The following INPP5A variants were observed in gnomAD, a reference collection of about 807,000 sequenced individuals.
INPP5A encodes inositol polyphosphate-5-phosphatase A, also known as 43 kDa inositol polyphosphate 5-phophatase.
In INPP5A, 14 loss-of-function variants were observed where a neutral mutation model predicts 65.2. The ratio of observed to expected loss-of-function variants is 0.21; its 90% CI spans 0.14 to 0.34. INPP5A has a LOEUF of 0.34. INPP5A is among the 10% of genes least tolerant of loss of function. The pLI, the probability that INPP5A is intolerant of heterozygous loss-of-function variation, is 1.00. For synonymous variants in INPP5A, 207 were observed against 208.3 expected (o/e 0.99, Z 0.05); for missense variants, 431 against 545.6 (o/e 0.79, Z 2.09).
At chr10:132,679,936 C>T (rs998059603) in intron 4 of INPP5A, among the ~76,000 whole-genome samples, 1 of 152,178 alleles carries the variant, frequency 6.6e-6, no homozygotes, top group Admixed American at 6.5e-5. Flanking sequence ...AAGTTGGCCC[C>T]TCACATTACA....
At chr10:132,700,565 C>T (rs1246107742) in intron 6 of INPP5A, among the ~76,000 whole-genome samples, 1 of 152,132 alleles carries the variant, frequency 6.6e-6, no homozygotes, top group Admixed American at 6.5e-5. Context: ...TATGTGGCAC[C>T]CTGTGTCCTT....
chr10:132,654,441 G>A (rs996751862), intron 4 of INPP5A, among the ~76,000 whole-genome samples: 2 of 152,228 alleles, frequency 1.3e-5, no homozygotes, highest in African/African-American at 4.8e-5. Flanking sequence ...GACTGGGCTG[G>A]CAGACCTCGG....
chr10:132,656,947 G>A (rs981246110), intron 4 of INPP5A, among the ~76,000 whole-genome samples: 2 of 152,228 alleles, frequency 1.3e-5, no homozygotes, highest in Non-Finnish European at 2.9e-5. Context: ...ACAGGGCTGT[G>A]TGGGGACTTG....
At chr10:132,618,680 A>G (rs1052236368) in intron 2 of INPP5A, among the ~76,000 whole-genome samples, 1 of 152,116 alleles carries the variant, frequency 6.6e-6, no homozygotes, top group Non-Finnish European at 1.5e-5. Flanking sequence ...CAGGATGTGC[A>G]GGAAGCTTAG....
intron 1 of INPP5A, among the ~76,000 whole-genome samples, chr10:132,564,339 C>G (rs1216740062): frequency 6.6e-6 from 1 of 152,168 alleles, no homozygotes; most frequent in Non-Finnish European, 1.5e-5. Flanking sequence ...CACCCCGATT[C>G]AGGGACTGCG....
At chr10:132,673,718 A>G (rs546861379) in intron 4 of INPP5A, among the ~76,000 whole-genome samples, 22 of 152,364 alleles carry the variant, frequency 1.4e-4, no homozygotes, top group Non-Finnish European at 4.4e-5. Context: ...TCTTCACAGA[A>G]GCATTGCATG....
intron 11 of INPP5A, among the ~76,000 whole-genome samples, chr10:132,752,863 G>A (rs1409820763): frequency 4.6e-5 from 7 of 152,276 alleles, no homozygotes; most frequent in African/African-American, 1.2e-4. Context: ...TACCTTTAGA[G>A]GAAAATTAAT....
rs1212799907 is a variant in INPP5A, at chr10:132,616,602, G to C, written c.117+8646G>C. Among the ~76,000 whole-genome samples the C allele has an allele frequency of 6.6e-6, 1 of 151,986 alleles. No homozygotes were observed. The highest frequency in any genetic ancestry group is 1.5e-5 in the Non-Finnish European group (1 of 67,968). On this transcript the variant is annotated intron_variant, in intron 2 of 15. Transcript: ENST00000368594. This position sits in a 1 kb window ranked among gnomAD's most constrained non-coding sequence, Gnocchi z 4.9. ...GGGATGGGGTGGTGACATGGGATGT[G>C]GTTTTGGGGTTGCAGTGGTGACATG...
intron 11 of INPP5A, among the ~76,000 whole-genome samples, chr10:132,756,813 G>A (rs1353515481): frequency 6.6e-6 from 1 of 152,274 alleles, no homozygotes; most frequent in Non-Finnish European, 1.5e-5. Flanking sequence ...AGGAGATGAG[G>A]CTGCATGCGG....
chr10:132,546,256 A>T lies in INPP5A; in HGVS notation c.75+8085A>T, dbSNP rs578027567. On this transcript the variant is annotated intron_variant, in intron 1 of 15. Transcript: ENST00000368594. The surrounding 1 kb of genome is among the most constrained non-coding windows in gnomAD (Gnocchi z 5.7). ...CCCGCGGGGGTCTTGGCGTTGGCGC[A>T]GAAGTGGTTTCCCAGCGGCGTGCCC... is the stretch of plus-strand genomic sequence containing the variant. 3.0e-4 allele frequency among the ~76,000 whole-genome samples: 46 copies of T among 152,336 alleles called. No homozygotes were observed. Among genetic ancestry groups the T allele is most frequent in the African/African-American group, 1.0e-3 (42 of 41,586 alleles).
At position 132,741,751 on chromosome 10, in the gene INPP5A, G is replaced by A. The variant is rs1197203794; in HGVS notation, c.733-7766G>A. Reference sequence around the variant, plus strand: ...CCGCTTGCTTTACTCAATAGCCGACGTAAACTGAGGTGGACGTCAGTGTCC... The same window carrying A: ...CCGCTTGCTTTACTCAATAGCCGACATAAACTGAGGTGGACGTCAGTGTCC... On this transcript the variant is annotated intron_variant, in intron 9 of 15. Coordinates refer to ENST00000368594, the MANE Select transcript of INPP5A (RefSeq NM_005539.5). The surrounding 1 kb of genome is among the most constrained non-coding windows in gnomAD (Gnocchi z 4.4). 3.4e-5 allele frequency among the ~76,000 whole-genome samples: 2 copies of A among 59,044 alleles called. No homozygotes were observed. Among genetic ancestry groups the A allele is most frequent in the South Asian group, 6.1e-4 (1 of 1,644 alleles). 38.7% of individuals were successfully genotyped at this position (59,044 alleles called of 152,430 possible).
chr10:132,586,407 G>A (rs776280824), intron 1 of INPP5A, among the ~76,000 whole-genome samples: 11 of 152,222 alleles, frequency 7.2e-5, no homozygotes, highest in Non-Finnish European at 1.3e-4. Flanking sequence ...TCACAGCTCC[G>A]TGGCGACCTC....
rs2071404612 is a variant in INPP5A at position 132,575,672 on chromosome 10, C to T, written c.76-32243C>T. Among the ~76,000 whole-genome samples, 1 of 152,144 alleles carries T rather than the reference C, an allele frequency of 6.6e-6. No individual in the cohort carries two copies. The highest frequency in any genetic ancestry group is 1.5e-5 in the Non-Finnish European group (1 of 68,030). On this transcript the variant is annotated intron_variant, in intron 1 of 15. Coordinates refer to ENST00000368594, the MANE Select transcript of INPP5A (RefSeq NM_005539.5). This position sits in a 1 kb window ranked among gnomAD's most constrained non-coding sequence, Gnocchi z 5.4. ...ATCTTGGCGAGGAGGAATCCTGCAC[C>T]AGCTTAGACAAGGAACTCCTGACGC...
At position 132,540,679 on chromosome 10, in the gene INPP5A, C is replaced by T. The variant is rs190697131; in HGVS notation, c.75+2508C>T. Among the ~76,000 whole-genome samples, 86 of 152,322 alleles carry T rather than the reference C, an allele frequency of 5.6e-4. 1 individual carries two copies. The highest frequency in any genetic ancestry group is 2.1e-4 in the Non-Finnish European group (14 of 68,024). ...GGAAGTTTTGGTTTCTTGGTTTGTCCTGGATTTCAGGGGACCTGCTTTGAG... is the reference window on the plus strand; with the variant it reads ...GGAAGTTTTGGTTTCTTGGTTTGTCTTGGATTTCAGGGGACCTGCTTTGAG... On this transcript the variant is annotated intron_variant, in intron 1 of 15. Coordinates refer to ENST00000368594, the MANE Select transcript of INPP5A (RefSeq NM_005539.5).
At chr10:132,750,357 C>T (rs1846453336) in intron 11 of INPP5A, among the ~76,000 whole-genome samples, 1 of 152,204 alleles carries the variant, frequency 6.6e-6, no homozygotes, top group Non-Finnish European at 1.5e-5. Flanking sequence ...CGCTGTATGT[C>T]CATGAGCACG....
At chr10:132,777,918 C>A in intron 13 of INPP5A, 136 bp downstream of exon 13, 2 of 1,499,694 alleles carry the variant, frequency 1.3e-6, no homozygotes, top group Non-Finnish European at 1.8e-6. Context: ...GCCCTGACCT[C>A]GTGCTGCCAT....
Position 132,626,796 on chromosome 10 carries a change from G to A in INPP5A, c.117+18840G>A, listed in dbSNP as rs112993016. On this transcript the variant is annotated intron_variant, in intron 2 of 15. Transcript: ENST00000368594. ...ACAGCAGTGCAGGGGTTCCTGTGGC[G>A]ACTGTGGGAGGCCCCTTGTTGGCTC... Among the ~76,000 whole-genome samples the A allele has an allele frequency of 2.0e-3, 309 of 152,320 alleles. 1 individual carries two copies. Among genetic ancestry groups the A allele is most frequent in the African/African-American group, 6.6e-3 (276 of 41,580 alleles).
chr10:132,726,576 T>C (rs553321367), intron 8 of INPP5A, among the ~76,000 whole-genome samples: 18 of 152,288 alleles, frequency 1.2e-4, no homozygotes, highest in Admixed American at 6.5e-4. Flanking sequence ...TTCCTCTTCC[T>C]CCATGTCGCT....
At chr10:132,748,643 C>T (rs1158417662) in intron 9 of INPP5A, among the ~76,000 whole-genome samples, 3 of 152,244 alleles carry the variant, frequency 2.0e-5, no homozygotes, top group Non-Finnish European at 4.4e-5. Context: ...TCAATGTAAT[C>T]CTTCGCGGTG....
Sources: allele counts gnomAD v4.1 joint callset (sites outside exome capture counted in the v4.1 genomes callset), GRCh38; gene constraint gnomAD v4.1.1; non-coding constraint Gnocchi (gnomAD v3.1); transcripts MANE v1.5; gene names NCBI Gene and HGNC (gene_info 2026-07-23, HGNC 2026-07-21).